Variants in RASGRF2 observed in about 807,000 individuals in gnomAD.
RASGRF2 encodes Ras protein specific guanine nucleotide releasing factor 2.
RASGRF2 carries 76 observed loss-of-function variants against 151.0 expected under a neutral mutation model. The ratio of observed to expected loss-of-function variants is 0.50; its 90% CI spans 0.42 to 0.61. The LOEUF (loss-of-function observed/expected upper bound fraction) is 0.61. Among genes scored for constraint, RASGRF2 ranks in the 20% least tolerant of loss-of-function variants. The pLI, the probability that RASGRF2 is intolerant of heterozygous loss-of-function variation, is 0.00. For missense variants in RASGRF2, 1,148 were observed against 1,564.6 expected (o/e 0.73, Z 4.49); for synonymous variants, 504 against 566.5 (o/e 0.89, Z 1.57).
In RASGRF2 at chr5:81,011,014, C is replaced by T. The variant is rs368072828; in HGVS notation, c.289-31863C>T. On this transcript the variant is annotated intron_variant, in intron 1 of 26. Transcript: ENST00000265080. ...TGTTCAGTAAGCCCTGAATATTTTT[C>T]ACATCTTTACTGCACATAGGACTGT... 5.9e-5 allele frequency among the ~76,000 whole-genome samples: 9 copies of T among 152,032 alleles called. No individual in the cohort carries two copies. The East Asian group carries it at 1.2e-3, about 20-fold the overall frequency.
At chr5:81,187,656 T>C (rs1755055460) in intron 18 of RASGRF2, among the ~76,000 whole-genome samples, 1 of 152,346 alleles carries the variant, frequency 6.6e-6, no homozygotes, top group Middle Eastern at 3.4e-3. Context: ...ATTTAGGTTT[T>C]GGGGCTGCAG....
chr5:81,008,431 A>T (rs932421387), intron 1 of RASGRF2, among the ~76,000 whole-genome samples: 2 of 152,072 alleles, frequency 1.3e-5, no homozygotes, highest in African/African-American at 4.8e-5. Flanking sequence ...GATTACAGGC[A>T]TGAGCCACCG....
intron 26 of RASGRF2, among the ~76,000 whole-genome samples, chr5:81,220,661 G>A (rs1225423243): frequency 2.0e-5 from 3 of 152,078 alleles, no homozygotes; most frequent in Admixed American, 6.6e-5. Flanking sequence ...GTAGAGACGG[G>A]GTTTCACCAT....
chr5:81,007,682 A>G (rs1749316151), intron 1 of RASGRF2, among the ~76,000 whole-genome samples: 1 of 152,156 alleles, frequency 6.6e-6, no homozygotes, highest in African/African-American at 2.4e-5. Context: ...GGACGAGGAA[A>G]GTGAACTATT....
intron 18 of RASGRF2, among the ~76,000 whole-genome samples, chr5:81,187,743 C>T (rs1755057178): frequency 6.6e-6 from 1 of 152,174 alleles, no homozygotes; most frequent in African/African-American, 2.4e-5. Flanking sequence ...GTGATGGCCT[C>T]TACTTAGTGT....
chr5:81,218,125 C>G (rs1358896557), intron 25 of RASGRF2, among the ~76,000 whole-genome samples: 1 of 152,172 alleles, frequency 6.6e-6, no homozygotes, highest in Admixed American at 6.5e-5. Context: ...CTCAAGTGAT[C>G]TGCCTGCCTT....
At chr5:81,125,111 TC>T (rs1753417660) in intron 16 of RASGRF2, among the ~76,000 whole-genome samples, 2 of 152,310 alleles carry the variant, frequency 1.3e-5, no homozygotes, top group Admixed American at 1.3e-4. Flanking sequence ...GGTCTCAAAC[TC>T]CTGACCTCAG....
chr5:81,070,869 CA>C (rs1751753678), intron 4 of RASGRF2, among the ~76,000 whole-genome samples: 2 of 152,046 alleles, frequency 1.3e-5, no homozygotes, highest in Admixed American at 1.3e-4. Context: ...GTGCGGCTTT[CA>C]TATTTTGGGG....
At chr5:80,982,671 G>T (rs1561537597) in intron 1 of RASGRF2, among the ~76,000 whole-genome samples, 3 of 150,926 alleles carry the variant, frequency 2.0e-5, no homozygotes, top group Non-Finnish European at 4.4e-5. Flanking sequence ...CACAATCTTG[G>T]CTCACTGCAA....
chr5:81,028,855 C>T (rs1272939671), intron 1 of RASGRF2, among the ~76,000 whole-genome samples: 4 of 152,188 alleles, frequency 2.6e-5, no homozygotes, highest in African/African-American at 9.7e-5. Flanking sequence ...CAGGGCATCA[C>T]CTCACCCGGG....
rs1041323333 is a variant in RASGRF2, at chr5:81,112,465, G to A, written c.1839-145G>A. On this transcript the variant is annotated intron_variant, in intron 13 of 26. Coordinates refer to ENST00000265080, the MANE Select transcript of RASGRF2 (RefSeq NM_006909.3). ...GGCACCAATCCCCCAAGAATACTGA[G>A]GGACAACTGTGCAATTATCTCTCTC... The A allele has an allele frequency of 4.6e-6, 5 of 1,087,810 alleles. No homozygotes were observed. The African/African-American group carries it at 7.9e-5, about 17-fold the overall frequency. The allele number at this position is 1,087,810 out of a possible 1,614,324, so 67.4% of individuals were successfully genotyped here. A position where few individuals can be genotyped will look rare whatever the true frequency, so the allele number is the denominator to read the frequency against.
chr5:81,005,364 G>A (rs985027897), intron 1 of RASGRF2, among the ~76,000 whole-genome samples: 1 of 152,046 alleles, frequency 6.6e-6, no homozygotes, highest in Non-Finnish European at 1.5e-5. Flanking sequence ...TTATAAAACC[G>A]TCGGATCTCG....
chr5:81,126,882 T>G (rs77127724), intron 16 of RASGRF2, among the ~76,000 whole-genome samples, 192 bp from the exon 17 acceptor site: 2,857 of 152,228 alleles, frequency 0.019, 85 homozygotes, highest in African/African-American at 0.065. Flanking sequence ...AGATGTATGC[T>G]TTCTTTTCTC....
intron 1 of RASGRF2, among the ~76,000 whole-genome samples, chr5:80,994,486 C>T (rs557177348): frequency 6.6e-6 from 1 of 151,978 alleles, no homozygotes; most frequent in Non-Finnish European, 1.5e-5. Context: ...TCTTTGTTGT[C>T]CTAGTCCTAA....
chr5:81,162,053 A>C (rs1258708191), intron 17 of RASGRF2, among the ~76,000 whole-genome samples: 1 of 152,114 alleles, frequency 6.6e-6, no homozygotes, highest in East Asian at 1.9e-4. Flanking sequence ...ATATGGGCTC[A>C]GTTAATAGGG....
intron 17 of RASGRF2, among the ~76,000 whole-genome samples, chr5:81,149,894 C>T (rs538288341): frequency 7.2e-5 from 11 of 152,118 alleles, no homozygotes; most frequent in Non-Finnish European, 7.3e-5. Context: ...AGAAAGAGTT[C>T]GCTTGGGATC....
At chr5:81,196,046 G>T (rs1028236941) in intron 18 of RASGRF2, among the ~76,000 whole-genome samples, 2 of 152,218 alleles carry the variant, frequency 1.3e-5, no homozygotes, top group African/African-American at 4.8e-5. Context: ...ATCATTTGAA[G>T]TCAGGAGTTC....
At chr5:81,073,535 G>T (rs932210896) in intron 5 of RASGRF2, 83 bp downstream of exon 5, 2 of 1,416,132 alleles carry the variant, frequency 1.4e-6, no homozygotes, top group African/African-American at 2.9e-5. Context: ...CTTTAAAAGG[G>T]TCTCATAAAT....
intron 1 of RASGRF2, among the ~76,000 whole-genome samples, chr5:81,029,042 C>G (rs1435151808): frequency 6.6e-6 from 1 of 152,206 alleles, no homozygotes; most frequent in Non-Finnish European, 1.5e-5. Context: ...CACGGAGCCT[C>G]GCTCACTGCT....
Sources: gnomAD v4.1 joint callset for allele counts (sites outside exome capture counted in the v4.1 genomes callset) on GRCh38, gnomAD v4.1.1 for gene constraint, MANE v1.5 for transcripts, NCBI Gene and HGNC (gene_info 2026-07-23, HGNC 2026-07-21) for gene names.